GAN: variants seen among roughly 807,000 people sequenced by gnomAD.
GAN encodes epididymis secretory sperm binding protein.
Under a neutral mutation model 71.3 loss-of-function variants are expected in GAN, and 48 were observed. The ratio of observed to expected loss-of-function variants is 0.67; its 90% confidence interval spans 0.53 to 0.86. The LOEUF (loss-of-function observed/expected upper bound fraction) is 0.86. Among genes scored for constraint, GAN ranks in the 40% least tolerant of loss-of-function variants. GAN has a pLI of 0.00. For missense variants in GAN, 928 were observed against 770.1 expected, an observed-to-expected ratio of 1.21 and a Z score of -2.43; for synonymous variants, 386 against 276.8, an observed-to-expected ratio of 1.39 and a Z score of -3.92.
chr16:81,355,825 T>G (rs1254978484), intron 3 of GAN, among the ~76,000 whole-genome samples: 2 of 152,226 alleles, frequency 1.3e-5, no homozygotes, highest in Non-Finnish European at 2.9e-5. Context: ...ATTTTGATGA[T>G]TATCTTATAA....
intron 9 of GAN, among the ~76,000 whole-genome samples, chr16:81,373,363 A>G (rs1486339168): frequency 3.3e-5 from 5 of 152,212 alleles, no homozygotes; most frequent in Admixed American, 2.6e-4. Flanking sequence ...TTAACAGACA[A>G]TTGTTCATTT....
At chr16:81,376,467 G>GTA (rs1212004712) in intron 9 of GAN, among the ~76,000 whole-genome samples, 1 of 66,860 alleles carries the variant, frequency 1.5e-5, no homozygotes, top group African/African-American at 5.2e-5. Context: ...ACATACATAT[G>GTA]TGTGTGTGTG....
At chr16:81,327,507 C>G (rs759449006) in intron 1 of GAN, among the ~76,000 whole-genome samples, 3 of 152,134 alleles carry the variant, frequency 2.0e-5, no homozygotes, top group Non-Finnish European at 4.4e-5. Flanking sequence ...CTTAATGCTT[C>G]GGTTTGAACT....
At chr16:81,326,885 G>A (rs1367920668) in intron 1 of GAN, among the ~76,000 whole-genome samples, 1 of 152,202 alleles carries the variant, frequency 6.6e-6, no homozygotes, top group South Asian at 2.1e-4. Context: ...CTGAAACATC[G>A]TTACCTGCTA....
chr16:81,375,772 C>G (rs1904277909), intron 9 of GAN, among the ~76,000 whole-genome samples: 1 of 151,832 alleles, frequency 6.6e-6, no homozygotes, highest in Admixed American at 6.6e-5. Context: ...CTGAGATCAG[C>G]CTGGGTAGCA....
intron 9 of GAN, chr16:81,372,138 T>C (rs1028250763): frequency 6.6e-6 from 1 of 152,278 alleles, no homozygotes; most frequent in African/African-American, 2.4e-5. Flanking sequence ...TAATCCATGC[T>C]GTATTTTAAA....
In GAN at chr16:81,365,340, G is replaced by A. The variant is rs372112530; in HGVS notation, c.1374-10G>A. 1.9e-6 allele frequency: 3 copies of A among 1,613,774 alleles called. No homozygotes were observed. The highest frequency in any genetic ancestry group is 2.5e-6 in the Non-Finnish European group (3 of 1,179,996). ...GCTTGTGCCTGATAACGCTGTGTGT[G>A]GCCTTTCAGGTTTGGAGCGGTGGCC... On this transcript the variant is annotated splice_polypyrimidine_tract_variant and intron_variant, in intron 8 of 10. Transcript: ENST00000648994.
chr16:81,369,694 C>G (rs1362462978), intron 9 of GAN, among the ~76,000 whole-genome samples: 2 of 152,284 alleles, frequency 1.3e-5, no homozygotes, highest in African/African-American at 4.8e-5. Context: ...CGGGTTCACA[C>G]CATTCTCCTG....
At chr16:81,338,099 C>T (rs1046437615) in intron 1 of GAN, among the ~76,000 whole-genome samples, 2 of 152,098 alleles carry the variant, frequency 1.3e-5, no homozygotes, top group Non-Finnish European at 2.9e-5. Flanking sequence ...ATGTCTTGCC[C>T]TAGAAACAGA....
chr16:81,362,699 A>G (rs1397059064), intron 6 of GAN, 88 bp downstream of exon 6: 2 of 809,094 alleles, frequency 2.5e-6, no homozygotes, highest in Non-Finnish European at 4.4e-6. Context: ...CAGGGAAGAA[A>G]CGGCAGCCTT....
chr16:81,346,057 C>T (rs1466237804), intron 1 of GAN, among the ~76,000 whole-genome samples: 2 of 152,210 alleles, frequency 1.3e-5, no homozygotes, highest in Non-Finnish European at 2.9e-5. Context: ...TAATTCTATC[C>T]TGAAGCTCCT....
At chr16:81,375,493 A>G (rs544200241) in intron 9 of GAN, among the ~76,000 whole-genome samples, 1 of 151,850 alleles carries the variant, frequency 6.6e-6, no homozygotes, top group South Asian at 2.1e-4. Context: ...CATTTGGCTA[A>G]TTTTTGTATT....
chr16:81,364,352 C>A (rs9923254), intron 7 of GAN, among the ~76,000 whole-genome samples: 3 of 151,988 alleles, frequency 2.0e-5, no homozygotes, highest in Admixed American at 6.6e-5. Flanking sequence ...TCACTGCAAC[C>A]TCTTTCTGCC....
At position 81,385,932 on chromosome 16, in the gene GAN, G is replaced by A. The variant is rs188611776; in HGVS notation, c.*8336G>A. 6.6e-6 allele frequency: 1 copy of A among 152,004 alleles called. No individual in the cohort carries two copies. Among genetic ancestry groups the A allele is most frequent in the East Asian group, 1.9e-4 (1 of 5,184 alleles). 9.4% of individuals were successfully genotyped at this position (152,004 alleles called of 1,614,324 possible). ...GCCCAGCTAATTTTTTGTATTTTTA[G>A]AACAGGTGTGGTTTCACCATATTGC... On this transcript the variant is annotated 3_prime_UTR_variant, in exon 11 of 11. Transcript: ENST00000648994.
chr16:81,343,982 A>G (rs1910032763), intron 1 of GAN, among the ~76,000 whole-genome samples: 1 of 151,952 alleles, frequency 6.6e-6, no homozygotes, highest in Non-Finnish European at 1.5e-5. Flanking sequence ...AACAGACAAC[A>G]GCCAAATCAT....
At chr16:81,358,132 C>T (rs546259230) in intron 5 of GAN, among the ~76,000 whole-genome samples, 2 of 152,282 alleles carry the variant, frequency 1.3e-5, no homozygotes, top group African/African-American at 4.8e-5. Context: ...ATCTTCAGCA[C>T]ATAGCTGCTT....
intron 3 of GAN, 142 bp from the exon 4 acceptor site, chr16:81,356,643 A>G (rs943133153): frequency 6.7e-6 from 5 of 743,134 alleles, no homozygotes; most frequent in African/African-American, 5.1e-5. Context: ...AAGATATTCA[A>G]GCAGCACGAG....
At chr16:81,318,864 G>A (rs1909131587) in intron 1 of GAN, among the ~76,000 whole-genome samples, 2 of 152,196 alleles carry the variant, frequency 1.3e-5, no homozygotes, top group African/African-American at 4.8e-5. Context: ...GCCCTAGGGT[G>A]CAGCTGCTCC....
rs1194859276 is a variant in GAN, at chr16:81,381,351, G to T, written c.*3755G>T. On this transcript the variant is annotated 3_prime_UTR_variant, in exon 11 of 11. Coordinates refer to ENST00000648994, the MANE Select transcript of GAN (RefSeq NM_022041.4). ...TTCATGATTCAAGAGGCCTCCCGTG[G>T]TCAGATGAAGACCTTTGGTTAAATG... 6.6e-6 allele frequency: 1 copy of T among 152,186 alleles called. No homozygotes were observed. Among genetic ancestry groups the T allele is most frequent in the Non-Finnish European group, 1.5e-5 (1 of 68,054 alleles). 9.4% of individuals were successfully genotyped at this position (152,186 alleles called of 1,614,324 possible). A position where few individuals can be genotyped will look rare whatever the true frequency, so the allele number is the denominator to read the frequency against.
Sources: gnomAD v4.1 joint callset for allele counts (sites outside exome capture counted in the v4.1 genomes callset) on GRCh38, gnomAD v4.1.1 for gene constraint, MANE v1.5 for transcripts, NCBI Gene and HGNC (gene_info 2026-07-23, HGNC 2026-07-21) for gene names.